NTAN1: variants seen among roughly 807,000 people sequenced by gnomAD.
The protein encoded by NTAN1 is N-terminal asparagine amidase.
NTAN1 carries 32 observed loss-of-function variants against 41.9 expected under a neutral mutation model. The ratio of observed to expected loss-of-function variants is 0.76; its 90% CI spans 0.58 to 1.03. The LOEUF (loss-of-function observed/expected upper bound fraction) is 1.03. Among genes scored for constraint, NTAN1 ranks in the 50% least tolerant of loss-of-function variants. The pLI, the probability that NTAN1 is intolerant of heterozygous loss-of-function variation, is 0.00. For synonymous variants in NTAN1, 140 were observed against 139.5 expected (o/e 1.00, Z -0.03); for missense variants, 377 against 377.5 (o/e 1.00, Z 0.01).
intron 1 of NTAN1, among the ~76,000 whole-genome samples, chr16:15,054,649 G>A (rs749526013): frequency 3.9e-5 from 6 of 152,110 alleles, no homozygotes; most frequent in South Asian, 2.1e-4. Flanking sequence ...CCTTCTCCCC[G>A]TCAGTAAGTC....
chr16:15,051,834 G>C (rs1172520908), intron 1 of NTAN1, among the ~76,000 whole-genome samples: 1 of 151,602 alleles, frequency 6.6e-6, no homozygotes, highest in Non-Finnish European at 1.5e-5. Flanking sequence ...CTTTGCAGTA[G>C]CTGGAACCAC....
At chr16:15,047,199 C>A (rs1014053178) in intron 4 of NTAN1, 6 of 522,572 alleles carry the variant, frequency 1.1e-5, no homozygotes, top group Admixed American at 6.9e-5. Flanking sequence ...GAGACGACAT[C>A]AAGTTCAAAG....
chr16:15,055,878 G>A lies in NTAN1; in HGVS notation c.81+13C>T, dbSNP rs1249398517. 7 of 1,217,376 alleles carry A rather than the reference G, an allele frequency of 5.8e-6. No individual in the cohort carries two copies. The highest frequency in any genetic ancestry group is 8.5e-5 in the Admixed American group (2 of 23,612). 75.4% of individuals were successfully genotyped at this position (1,217,376 alleles called of 1,614,324 possible). A position where few individuals can be genotyped will look rare whatever the true frequency, so the allele number is the denominator to read the frequency against. ...CGGGCCCGCCCCGAAGCCCCGCGCC[G>A]CGCCCCACTCACCTCCAAAGGCGGG... On this transcript the variant is annotated intron_variant, in intron 1 of 9. Coordinates refer to ENST00000287706, the MANE Select transcript of NTAN1 (RefSeq NM_173474.4).
At chr16:15,042,324 TAC>T (rs2043854071) in intron 5 of NTAN1, among the ~76,000 whole-genome samples, 2 of 152,022 alleles carry the variant, frequency 1.3e-5, no homozygotes, top group Admixed American at 1.3e-4. Flanking sequence ...TAGCTGGGAT[TAC>T]AGACTTGCGC....
chr16:15,042,927 T>C (rs2043887933), intron 5 of NTAN1, among the ~76,000 whole-genome samples: 2 of 136,780 alleles, frequency 1.5e-5, no homozygotes, highest in Non-Finnish European at 3.1e-5. Context: ...TGAGATGGAG[T>C]TTAGCTCTTG....
intron 7 of NTAN1, among the ~76,000 whole-genome samples, chr16:15,040,710 C>A (rs1444872941): frequency 6.6e-6 from 1 of 152,112 alleles, no homozygotes; most frequent in Admixed American, 6.6e-5. Flanking sequence ...TGCCTGCCTT[C>A]CTCCCCCAGA....
intron 1 of NTAN1, among the ~76,000 whole-genome samples, chr16:15,048,824 A>G (rs1429618668): frequency 6.6e-6 from 1 of 150,590 alleles, no homozygotes; most frequent in African/African-American, 2.5e-5. Context: ...GGGTCTCCCT[A>G]TGCTCCCCAG....
chr16:15,038,725 G>A (rs1438231649), intron 8 of NTAN1, 38 bp from the exon 9 acceptor site: 7 of 1,177,874 alleles, frequency 5.9e-6, no homozygotes, highest in African/African-American at 1.5e-5. Flanking sequence ...TTTCAGGAAT[G>A]TCACCCACTT....
At chr16:15,044,098 T>G (rs117498345) in intron 5 of NTAN1, among the ~76,000 whole-genome samples, 2 of 152,312 alleles carry the variant, frequency 1.3e-5, no homozygotes, top group Non-Finnish European at 2.9e-5. Context: ...TTTTGGAATG[T>G]GTTCACTGCT....
intron 1 of NTAN1, among the ~76,000 whole-genome samples, 190 bp from the exon 2 acceptor site, chr16:15,048,289 T>C (rs1261980340): frequency 1.3e-5 from 2 of 152,220 alleles, no homozygotes; most frequent in South Asian, 2.1e-4. Context: ...GAGAAAACGA[T>C]GCGGTTCTGC....
At chr16:15,046,230 T>C (rs1184332241) in intron 4 of NTAN1, among the ~76,000 whole-genome samples, 10 of 152,236 alleles carry the variant, frequency 6.6e-5, no homozygotes, top group Admixed American at 6.5e-4. Context: ...CGACCAGTAT[T>C]GACTAGCAAA....
chr16:15,055,048 A>AGGGCAG (rs1371530402), intron 1 of NTAN1, among the ~76,000 whole-genome samples: 2 of 152,256 alleles, frequency 1.3e-5, no homozygotes, highest in East Asian at 3.9e-4. Flanking sequence ...AAACACTCCG[A>AGGGCAG]GGGCAGGGAC....
chr16:15,055,997 CCAGGGAGGCG>C lies in NTAN1; in HGVS notation c.-36_-27del. ...CGCGGAGGCGGCCGCCCAGGCAGGCCCAGGGAGGCGGCGGCCCCCCGCTTTGCAGCCCCGG... is the reference window on the plus strand; with the variant it reads ...CGCGGAGGCGGCCGCCCAGGCAGGCCGCGGCCCCCCGCTTTGCAGCCCCGG... On this transcript the variant is annotated 5_prime_UTR_variant, in exon 1 of 10. Transcript: ENST00000287706. 1 of 1,188,934 alleles carries C rather than the reference CCAGGGAGGCG, an allele frequency of 8.4e-7. No homozygotes were observed. Among genetic ancestry groups the C allele is most frequent in the African/African-American group, 1.6e-5 (1 of 62,956 alleles). 73.6% of individuals were successfully genotyped at this position (1,188,934 alleles called of 1,614,324 possible).
chr16:15,046,348 G>C (rs1057111204), intron 4 of NTAN1, among the ~76,000 whole-genome samples: 12 of 152,170 alleles, frequency 7.9e-5, no homozygotes, highest in African/African-American at 2.7e-4. Context: ...AGTAAAATGA[G>C]AGCAACACCT....
chr16:15,049,999 G>A (rs2044233962), intron 1 of NTAN1, among the ~76,000 whole-genome samples: 1 of 152,168 alleles, frequency 6.6e-6, no homozygotes, highest in Admixed American at 6.6e-5. Context: ...CCATGGCTGT[G>A]CCAAAAAAGC....
At chr16:15,053,353 CTTATTG>C (rs887468307) in intron 1 of NTAN1, among the ~76,000 whole-genome samples, 2 of 152,180 alleles carry the variant, frequency 1.3e-5, no homozygotes, top group Non-Finnish European at 2.9e-5. Flanking sequence ...CACTGTATGA[CTTATTG>C]TTATTATTTG....
At chr16:15,042,185 CTTT>C (rs34790085) in intron 5 of NTAN1, among the ~76,000 whole-genome samples, 127 of 135,562 alleles carry the variant, frequency 9.4e-4, no homozygotes, top group Admixed American at 2.1e-3. Context: ...AATTTTATAT[CTTT>C]TTTTTTTTTT....
At chr16:15,043,719 G>T (rs557676556) in intron 5 of NTAN1, among the ~76,000 whole-genome samples, 1 of 152,166 alleles carries the variant, frequency 6.6e-6, no homozygotes, top group Non-Finnish European at 1.5e-5. Flanking sequence ...AGAGGCCGAG[G>T]CAGGTGCATC....
intron 1 of NTAN1, 32 bp from the exon 2 acceptor site, chr16:15,048,131 T>C (rs2044150082): frequency 2.1e-6 from 3 of 1,427,498 alleles, no homozygotes; most frequent in South Asian, 1.2e-5. Context: ...AAAATAGTGA[T>C]GTAAATTAGT....
Sources: allele counts gnomAD v4.1 joint callset (sites outside exome capture counted in the v4.1 genomes callset), GRCh38; gene constraint gnomAD v4.1.1; transcripts MANE v1.5; gene names NCBI Gene and HGNC (gene_info 2026-07-23, HGNC 2026-07-21).